Variants in ZBTB16 observed in about 807,000 individuals in gnomAD.
ZBTB16 encodes the protein zinc finger and BTB domain containing 16.
A neutral mutation model predicts 56.8 loss-of-function variants in ZBTB16; 8 were observed. The observed-to-expected ratio is 0.14, with a 90% CI of 0.08 to 0.25. The LOEUF (loss-of-function observed/expected upper bound fraction) is 0.25, where lower values mean the gene tolerates loss of function less well. Among genes scored for constraint, ZBTB16 ranks in the 10% least tolerant of loss-of-function variants. The pLI, the probability that ZBTB16 is intolerant of heterozygous loss-of-function variation, is 1.00. For missense variants in ZBTB16, 625 were observed against 903.0 expected, an observed-to-expected ratio of 0.69 and a Z score of 3.95; for synonymous variants, 363 against 368.5, an observed-to-expected ratio of 0.98 and a Z score of 0.17.
rs1482551514 is a variant in ZBTB16, at chr11:114,060,389, G to A, written c.-91+507G>A. On this transcript the variant is annotated intron_variant, in intron 1 of 6. Transcript: ENST00000335953. The surrounding 1 kb of genome is among the most constrained non-coding windows in gnomAD (Gnocchi z 6.0). The stretch of plus-strand genomic sequence containing the variant: ...GTAGATCTGGGGGCGGAGGGGAGCA[G>A]GACTGGGACTGCTTACGTTTTGTTT... 6.6e-6 allele frequency: 1 copy of A among 152,482 alleles called. No individual in the cohort carries two copies. The highest frequency in any genetic ancestry group is 1.9e-4 in the East Asian group (1 of 5,168). The allele number at this position is 152,482 out of a possible 1,614,324, so 9.4% of individuals were successfully genotyped here.
intron 2 of ZBTB16, among the ~76,000 whole-genome samples, chr11:114,102,677 C>T (rs751569139): frequency 6.6e-6 from 1 of 151,904 alleles, no homozygotes; most frequent in Non-Finnish European, 1.5e-5. Flanking sequence ...ATAGCCCAGG[C>T]GTTGGTCCTG....
At chr11:114,238,538 A>T (rs1408913560) in intron 4 of ZBTB16, among the ~76,000 whole-genome samples, 1 of 151,854 alleles carries the variant, frequency 6.6e-6, no homozygotes, top group Non-Finnish European at 1.5e-5. Flanking sequence ...AAGGACACTC[A>T]TTCCATTTTA....
At chr11:114,082,999 T>C (rs1591648364) in intron 2 of ZBTB16, among the ~76,000 whole-genome samples, 1 of 152,290 alleles carries the variant, frequency 6.6e-6, no homozygotes, top group East Asian at 1.9e-4. Context: ...CAACGTTGTG[T>C]AACGAGGGGC....
intron 4 of ZBTB16, among the ~76,000 whole-genome samples, chr11:114,203,085 A>C (rs1417081859): frequency 6.6e-6 from 1 of 152,234 alleles, no homozygotes; most frequent in Non-Finnish European, 1.5e-5. Flanking sequence ...TGGATATACA[A>C]AATGTGGTAT....
At chr11:114,233,436 A>G (rs1310346912) in intron 4 of ZBTB16, among the ~76,000 whole-genome samples, 1 of 152,008 alleles carries the variant, frequency 6.6e-6, no homozygotes, top group Non-Finnish European at 1.5e-5. Context: ...GGCTTCTTGC[A>G]ACTTAACATG....
At chr11:114,149,622 C>T (rs574986908) in intron 2 of ZBTB16, among the ~76,000 whole-genome samples, 56 of 152,232 alleles carry the variant, frequency 3.7e-4, no homozygotes, top group South Asian at 1.5e-3. Flanking sequence ...TAAAAGCATT[C>T]GGTAATGTTT....
rs535777360 is a variant in ZBTB16, at chr11:114,085,170, T to C, written c.1268+20602T>C. Among the ~76,000 whole-genome samples, 23 of 152,328 alleles carry C rather than the reference T, an allele frequency of 1.5e-4. 1 individual carries two copies. In the South Asian group the frequency reaches 4.8e-3, roughly 32 times the overall value. ...CACAGCAAGTAGTACATTTTCCATCTCAGCCCAGTGCATGGACAAACGTAC... is the reference window on the plus strand; with the variant it reads ...CACAGCAAGTAGTACATTTTCCATCCCAGCCCAGTGCATGGACAAACGTAC... On this transcript the variant is annotated intron_variant, in intron 2 of 6. Transcript: ENST00000335953.
intron 4 of ZBTB16, among the ~76,000 whole-genome samples, chr11:114,211,177 C>G (rs987895867): frequency 3.3e-5 from 5 of 152,192 alleles, no homozygotes; most frequent in Admixed American, 2.0e-4. Context: ...CCTCCTTGGC[C>G]TCCCAGAGTG....
intron 4 of ZBTB16, among the ~76,000 whole-genome samples, chr11:114,215,397 C>T (rs963812808): frequency 6.6e-6 from 1 of 152,186 alleles, no homozygotes; most frequent in Non-Finnish European, 1.5e-5. Context: ...GGGTTACCTT[C>T]CCTGCCAGTC....
chr11:114,070,478 G>C (rs1031547062), intron 2 of ZBTB16, among the ~76,000 whole-genome samples: 1 of 152,200 alleles, frequency 6.6e-6, no homozygotes, highest in African/African-American at 2.4e-5. Context: ...AAGGGATTAT[G>C]AACGATTATC....
At chr11:114,147,035 C>G (rs1942126033) in intron 2 of ZBTB16, among the ~76,000 whole-genome samples, 1 of 152,152 alleles carries the variant, frequency 6.6e-6, no homozygotes, top group South Asian at 2.1e-4. Flanking sequence ...CGTTCAGTCT[C>G]TTATCTTGTG....
intron 4 of ZBTB16, among the ~76,000 whole-genome samples, chr11:114,210,199 G>GCGCGCGCA (rs1565687579): frequency 1.3e-5 from 2 of 150,998 alleles, no homozygotes; most frequent in Non-Finnish European, 1.5e-5. Flanking sequence ...GTGTGCGTGC[G>GCGCGCGCA]CGCGCGTGCA....
chr11:114,064,617 C>T lies in ZBTB16; in HGVS notation c.1268+49C>T. ...CCTGATGTAGGACTTGAGGCCCTCA[C>T]ACCCCTCCTTCACACCCTGGCTGCT... On this transcript the variant is annotated intron_variant, in intron 2 of 6. Coordinates refer to ENST00000335953, the MANE Select transcript of ZBTB16 (RefSeq NM_006006.6). This position sits in a 1 kb window ranked among gnomAD's most constrained non-coding sequence, Gnocchi z 4.2. 1 of 1,604,724 alleles carries T rather than the reference C, an allele frequency of 6.2e-7. No homozygotes were observed.
chr11:114,083,572 C>T (rs758753802), intron 2 of ZBTB16, among the ~76,000 whole-genome samples: 100 of 152,266 alleles, frequency 6.6e-4, no homozygotes, highest in Non-Finnish European at 1.1e-3. Flanking sequence ...GCACTGTGCC[C>T]TCTCCCCTCT....
chr11:114,142,474 A>T (rs181548991), intron 2 of ZBTB16, among the ~76,000 whole-genome samples: 211 of 152,368 alleles, frequency 1.4e-3, no homozygotes, highest in Middle Eastern at 3.4e-3. Flanking sequence ...GGTGATTTAT[A>T]GGGCAGCATG....
At chr11:114,210,080 A>G (rs1420159603) in intron 4 of ZBTB16, 1 of 412,964 alleles carries the variant, frequency 2.4e-6, no homozygotes, top group Non-Finnish European at 3.3e-6. Flanking sequence ...AGAAGAGCAG[A>G]TGAAGGAGGT....
intron 3 of ZBTB16, among the ~76,000 whole-genome samples, chr11:114,184,323 A>T (rs931942511): frequency 6.6e-6 from 1 of 152,224 alleles, no homozygotes; most frequent in African/African-American, 2.4e-5. Context: ...AACAGCTTGT[A>T]TTTGGAGTTA....
At chr11:114,105,232 C>T (rs1239765014) in intron 2 of ZBTB16, among the ~76,000 whole-genome samples, 1 of 148,826 alleles carries the variant, frequency 6.7e-6, no homozygotes, top group Non-Finnish European at 1.5e-5. Flanking sequence ...AATTCTGTCT[C>T]TCTCTCTCTC....
At chr11:114,165,647 C>T (rs1037782226) in intron 3 of ZBTB16, among the ~76,000 whole-genome samples, 2 of 152,070 alleles carry the variant, frequency 1.3e-5, no homozygotes, top group African/African-American at 4.8e-5. Flanking sequence ...TTATAAATAC[C>T]AGGTGTTAGA....
Sources: allele counts gnomAD v4.1 joint callset (sites outside exome capture counted in the v4.1 genomes callset), GRCh38; gene constraint gnomAD v4.1.1; non-coding constraint Gnocchi (gnomAD v3.1); transcripts MANE v1.5; gene names NCBI Gene and HGNC (gene_info 2026-07-23, HGNC 2026-07-21).